Variants in GRIA4 observed in about 807,000 individuals in gnomAD.
GRIA4 encodes glutamate receptor 4.
Under a neutral mutation model 104.0 loss-of-function variants are expected in GRIA4, and 34 were observed. The ratio of observed to expected loss-of-function variants is 0.33; its 90% CI spans 0.25 to 0.44. The LOEUF (loss-of-function observed/expected upper bound fraction) is 0.44, where lower values mean the gene tolerates loss of function less well. Among genes scored for constraint, GRIA4 ranks in the 20% least tolerant of loss-of-function variants. GRIA4 has a pLI of 1.00. For missense variants in GRIA4, 750 were observed against 1,096.5 expected (o/e 0.68, Z 4.46); for synonymous variants, 386 against 381.9 (o/e 1.01, Z -0.13).
intron 4 of GRIA4, among the ~76,000 whole-genome samples, chr11:105,857,548 C>A (rs980404831): frequency 6.6e-6 from 1 of 152,100 alleles, no homozygotes; most frequent in Non-Finnish European, 1.5e-5. Flanking sequence ...TTTCTCTATC[C>A]CATATTCATC....
At chr11:105,972,099 T>C in intron 15 of GRIA4, 71 bp downstream of exon 15, 1 of 894,272 alleles carries the variant, frequency 1.1e-6, no homozygotes, top group Non-Finnish European at 1.8e-6. Flanking sequence ...GTCAAAAGTA[T>C]ATGGAAACCA....
intron 3 of GRIA4, among the ~76,000 whole-genome samples, chr11:105,633,834 T>C (rs1951103022): frequency 6.6e-6 from 1 of 152,174 alleles, no homozygotes; most frequent in Non-Finnish European, 1.5e-5. Context: ...CCTATCCTAA[T>C]GGAGCCTCAA....
At chr11:105,947,783 A>G (rs1222662620) in intron 14 of GRIA4, among the ~76,000 whole-genome samples, 1 of 152,244 alleles carries the variant, frequency 6.6e-6, no homozygotes, top group Non-Finnish European at 1.5e-5. Flanking sequence ...AATGTAGGTG[A>G]GACTATTTTA....
At chr11:105,679,313 C>A (rs1270441344) in intron 3 of GRIA4, among the ~76,000 whole-genome samples, 2 of 152,246 alleles carry the variant, frequency 1.3e-5, no homozygotes, top group South Asian at 2.1e-4. Flanking sequence ...CCACAAAACA[C>A]CCTCAGAGAA....
At chr11:105,614,009 A>C (rs1237478142) in intron 3 of GRIA4, 1 of 151,924 alleles carries the variant, frequency 6.6e-6, no homozygotes, top group Non-Finnish European at 1.5e-5. Flanking sequence ...AAGGGATGTC[A>C]GCATTCTAAG....
intron 4 of GRIA4, chr11:105,824,555 T>A (rs1428300554): frequency 6.6e-6 from 1 of 152,114 alleles, no homozygotes; most frequent in East Asian, 1.9e-4. Context: ...AGTTGAGCCA[T>A]GTAGAACAAC....
intron 14 of GRIA4, among the ~76,000 whole-genome samples, chr11:105,946,698 A>C (rs1357652741): frequency 1.3e-5 from 2 of 152,140 alleles, no homozygotes; most frequent in Non-Finnish European, 2.9e-5. Flanking sequence ...TCTAGATCCT[A>C]TTCAGCAATA....
At chr11:105,940,424 T>C (rs1948154917) in intron 14 of GRIA4, among the ~76,000 whole-genome samples, 2 of 152,060 alleles carry the variant, frequency 1.3e-5, no homozygotes, top group South Asian at 2.1e-4. Context: ...AGTAGCTCTT[T>C]ATATTTGCAA....
intron 3 of GRIA4, among the ~76,000 whole-genome samples, chr11:105,715,065 A>T (rs1954044426): frequency 6.6e-6 from 1 of 152,174 alleles, no homozygotes; most frequent in Non-Finnish European, 1.5e-5. Context: ...AATCTGAAAA[A>T]AACAGCGATT....
At chr11:105,756,440 A>T (rs572326046) in intron 4 of GRIA4, among the ~76,000 whole-genome samples, 2 of 152,264 alleles carry the variant, frequency 1.3e-5, no homozygotes, top group Admixed American at 1.3e-4. Flanking sequence ...CATTGATTTG[A>T]CTACTTAAAA....
intron 14 of GRIA4, among the ~76,000 whole-genome samples, chr11:105,937,901 C>T (rs986978671): frequency 2.6e-5 from 4 of 152,140 alleles, no homozygotes; most frequent in Admixed American, 1.3e-4. Flanking sequence ...CAACAGGAAC[C>T]GATCCATTGA....
At chr11:105,926,509 C>T (rs1217352184) in intron 12 of GRIA4, among the ~76,000 whole-genome samples, 2 of 152,070 alleles carry the variant, frequency 1.3e-5, no homozygotes, top group South Asian at 2.1e-4. Context: ...TTTCTTTAAA[C>T]AATAAAAAGG....
At chr11:105,798,472 A>T (rs1942582942) in intron 4 of GRIA4, among the ~76,000 whole-genome samples, 1 of 152,182 alleles carries the variant, frequency 6.6e-6, no homozygotes, top group Admixed American at 6.6e-5. Flanking sequence ...GGAGAAAAGG[A>T]TCTCAGGCAG....
chr11:105,794,473 G>GTATATATATATATATA (rs71041629), intron 4 of GRIA4, among the ~76,000 whole-genome samples: 2 of 43,864 alleles, frequency 4.6e-5, no homozygotes, highest in African/African-American at 1.0e-4. Context: ...GTATATGTAT[G>GTATATATATATATATA]TATATATATA....
chr11:105,970,830 A>G lies in GRIA4; in HGVS notation c.2295-1084A>G, dbSNP rs187552504. 9.4e-4 allele frequency among the ~76,000 whole-genome samples: 143 copies of G among 152,338 alleles called. 2 individuals carry two copies. The highest frequency in any genetic ancestry group is 3.2e-3 in the African/African-American group (132 of 41,570). On this transcript the variant is annotated intron_variant, in intron 14 of 16. Transcript: ENST00000282499. The stretch of plus-strand genomic sequence containing the variant: ...AAAATGGTAACAACAAAAGATCCTG[A>G]AACTTTCTGCTTTCCATTCATCATC...
chr11:105,658,946 A>C (rs918931557), intron 3 of GRIA4, among the ~76,000 whole-genome samples: 7 of 151,992 alleles, frequency 4.6e-5, no homozygotes, highest in African/African-American at 1.7e-4. Flanking sequence ...TCTCCTTCCT[A>C]AAACCCCAAT....
intron 3 of GRIA4, among the ~76,000 whole-genome samples, chr11:105,659,035 C>T (rs918514714): frequency 2.0e-5 from 3 of 151,924 alleles, no homozygotes; most frequent in African/African-American, 7.2e-5. Flanking sequence ...AATATTCTAG[C>T]ATGTTCACAG....
At chr11:105,840,119 T>C (rs1944340654) in intron 4 of GRIA4, among the ~76,000 whole-genome samples, 1 of 152,226 alleles carries the variant, frequency 6.6e-6, no homozygotes, top group African/African-American at 2.4e-5. Flanking sequence ...ATTTGACTAA[T>C]ATTTGACAAG....
intron 3 of GRIA4, among the ~76,000 whole-genome samples, chr11:105,639,037 A>G (rs1951285677): frequency 6.6e-6 from 1 of 152,136 alleles, no homozygotes; most frequent in South Asian, 2.1e-4. Context: ...TTCTCTTAAA[A>G]CGATGAACCA....
Sources: gnomAD v4.1 joint callset for allele counts (sites outside exome capture counted in the v4.1 genomes callset) on GRCh38, gnomAD v4.1.1 for gene constraint, MANE v1.5 for transcripts, NCBI Gene and HGNC (gene_info 2026-07-23, HGNC 2026-07-21) for gene names.